Variants in CFAP61 observed in about 807,000 individuals in gnomAD.
CFAP61 encodes cilia and flagella associated protein 61, also known as cilia- and flagella-associated protein 61.
CFAP61 carries 107 observed loss-of-function variants against 135.6 expected under a neutral mutation model. That is an observed-to-expected ratio of 0.79 (90% CI 0.67 to 0.93). CFAP61 has a LOEUF of 0.93. CFAP61 is among the 40% of genes least tolerant of loss of function. The probability of loss-of-function intolerance (pLI) is 0.00; values close to 1 mark genes in which losing one functional copy is unlikely to be tolerated. For missense variants in CFAP61, 1,507 were observed against 1,556.2 expected, an observed-to-expected ratio of 0.97 and a Z score of 0.53; for synonymous variants, 575 against 578.5, an observed-to-expected ratio of 0.99 and a Z score of 0.09.
intron 17 of CFAP61, among the ~76,000 whole-genome samples, chr20:20,203,915 C>A (rs1380260298): frequency 1.3e-5 from 2 of 152,116 alleles, no homozygotes; most frequent in Non-Finnish European, 2.9e-5. Flanking sequence ...TGGGCTCAGA[C>A]CTGTTTCTGC....
intron 8 of CFAP61, among the ~76,000 whole-genome samples, chr20:20,101,782 C>T (rs1445052685): frequency 2.0e-5 from 3 of 151,984 alleles, no homozygotes; most frequent in Admixed American, 6.6e-5. Context: ...TGTGCCACCA[C>T]ACCCAGCTAA....
Position 20,196,594 on chromosome 20 carries a change from T to G in CFAP61, c.1615T>G (p.Tyr539Asp). 6.2e-7 allele frequency: 1 copy of G among 1,614,008 alleles called. No homozygotes were observed. Residue 539 changes from tyrosine (Y) to aspartate (D), a missense_variant, in exon 16 of 27, where the codon TAC becomes GAC. Coordinates refer to ENST00000245957, the MANE Select transcript of CFAP61 (RefSeq NM_015585.4). Reference sequence around the variant, plus strand: ...GGACATTGAGTACATACGGTCCCATTACAACATTGAAGATTTCATCTACTT... The same window carrying G: ...GGACATTGAGTACATACGGTCCCATGACAACATTGAAGATTTCATCTACTT... The part of the protein sequence containing the change: ...EMDIEYIRSH[Y>D]NIEDFIYFSH...
intron 2 of CFAP61, among the ~76,000 whole-genome samples, chr20:20,067,760 A>G (rs1041751653): frequency 1.9e-5 from 2 of 106,404 alleles, no homozygotes; most frequent in African/African-American, 2.9e-5. Context: ...TATTTATATT[A>G]TTATATATGT....
intron 17 of CFAP61, among the ~76,000 whole-genome samples, chr20:20,204,407 T>C (rs1404852508): frequency 2.0e-5 from 3 of 152,208 alleles, no homozygotes. Flanking sequence ...GCCCTGCTTT[T>C]TCCTGGTATG....
At chr20:20,357,107 C>T (rs1180258972) in intron 26 of CFAP61, among the ~76,000 whole-genome samples, 2 of 102,540 alleles carry the variant, frequency 2.0e-5, no homozygotes, top group Non-Finnish European at 2.1e-5. Context: ...GGGAGGTGGT[C>T]ATACTGTGAG....
intron 20 of CFAP61, chr20:20,259,800 A>T (rs1294875558): frequency 2.0e-5 from 3 of 152,284 alleles, no homozygotes; most frequent in Admixed American, 2.0e-4. Context: ...TCTGTTACTA[A>T]GAAAGGAAGG....
intron 24 of CFAP61, among the ~76,000 whole-genome samples, chr20:20,292,779 G>A (rs2055083857): frequency 1.3e-5 from 2 of 152,016 alleles, no homozygotes; most frequent in African/African-American, 4.8e-5. Flanking sequence ...AGTGGCTCTG[G>A]GCTCCAAGTG....
intron 2 of CFAP61, among the ~76,000 whole-genome samples, chr20:20,060,131 T>C (rs1407007262): frequency 2.6e-5 from 4 of 151,842 alleles, no homozygotes; most frequent in African/African-American, 9.7e-5. Context: ...CTAATAGATT[T>C]CTTAGGAGCC....
At chr20:20,120,750 A>T in intron 8 of CFAP61, among the ~76,000 whole-genome samples, 1 of 152,154 alleles carries the variant, frequency 6.6e-6, no homozygotes, top group East Asian at 1.9e-4. Flanking sequence ...TACTACTATT[A>T]CGTTGCAGTC....
At chr20:20,111,194 G>C (rs1207213996) in intron 8 of CFAP61, among the ~76,000 whole-genome samples, 1 of 152,068 alleles carries the variant, frequency 6.6e-6, no homozygotes, top group Non-Finnish European at 1.5e-5. Flanking sequence ...AATTTGGTTT[G>C]ATTATTTATA....
intron 25 of CFAP61, among the ~76,000 whole-genome samples, chr20:20,302,026 A>G (rs1750973193): frequency 6.6e-6 from 1 of 152,214 alleles, no homozygotes; most frequent in Admixed American, 6.5e-5. Flanking sequence ...ATAACATAGT[A>G]TAGCTCTCAA....
intron 17 of CFAP61, among the ~76,000 whole-genome samples, chr20:20,222,503 G>C (rs951429054): frequency 6.6e-6 from 1 of 152,128 alleles, no homozygotes; most frequent in Non-Finnish European, 1.5e-5. Context: ...TTTCCGAAGT[G>C]CTGGAGCTAC....
At chr20:20,317,567 CTCTA>C (rs150700037) in intron 25 of CFAP61, among the ~76,000 whole-genome samples, 249 of 152,298 alleles carry the variant, frequency 1.6e-3, no homozygotes, top group African/African-American at 5.7e-3. Flanking sequence ...TTATTGTTCA[CTCTA>C]TCTAGTAATT....
At chr20:20,171,755 C>A (rs908203446) in intron 13 of CFAP61, 1 of 692,070 alleles carries the variant, frequency 1.4e-6, no homozygotes, top group South Asian at 1.6e-5. Flanking sequence ...ATTTATAATC[C>A]TTTGTGTTTT....
chr20:20,245,124 ATCT>A (rs60821321), intron 18 of CFAP61, among the ~76,000 whole-genome samples: 2,168 of 152,224 alleles, frequency 0.014, 56 homozygotes, highest in African/African-American at 0.049. Context: ...ACATTTTCTC[ATCT>A]TCTTCTGAGC....
chr20:20,264,448 A>G (rs1380509930), intron 21 of CFAP61, among the ~76,000 whole-genome samples: 1 of 152,218 alleles, frequency 6.6e-6, no homozygotes, highest in Admixed American at 6.5e-5. Context: ...TAAATGTCAT[A>G]AAGTATTTCA....
chr20:20,237,991 G>A (rs1163410088), intron 18 of CFAP61, among the ~76,000 whole-genome samples: 3 of 152,056 alleles, frequency 2.0e-5, no homozygotes, highest in Non-Finnish European at 2.9e-5. Context: ...TCATTGCTAA[G>A]CTTTTTTCAC....
intron 25 of CFAP61, among the ~76,000 whole-genome samples, chr20:20,340,185 C>G (rs1309692794): frequency 1.3e-5 from 2 of 152,214 alleles, no homozygotes; most frequent in Non-Finnish European, 2.9e-5. Flanking sequence ...TTTAGAGTTG[C>G]TGGCAAGTGT....
intron 24 of CFAP61, 31 bp from the exon 25 acceptor site, chr20:20,298,150 G>A (rs1185401849): frequency 6.7e-7 from 1 of 1,482,222 alleles, no homozygotes; most frequent in East Asian, 2.3e-5. Context: ...TGTTTCTAAT[G>A]TTGTTTTTCT....
Sources: gnomAD v4.1 joint callset for allele counts (sites outside exome capture counted in the v4.1 genomes callset) on GRCh38, gnomAD v4.1.1 for gene constraint, MANE v1.5 for transcripts, NCBI Gene and HGNC (gene_info 2026-07-23, HGNC 2026-07-21) for gene names.